Variants in PLPPR1 observed in about 807,000 individuals in gnomAD.
PLPPR1 encodes the protein phospholipid phosphatase-related protein type 1.
A neutral mutation model predicts 33.1 loss-of-function variants in PLPPR1; 10 were observed. The ratio of observed to expected loss-of-function variants is 0.30; its 90% CI spans 0.19 to 0.51. PLPPR1 has a LOEUF of 0.51. PLPPR1 is among the 20% of genes least tolerant of loss of function. The pLI is 0.97. For synonymous variants in PLPPR1, 151 were observed against 151.0 expected, an observed-to-expected ratio of 1.00 and a Z score of 0.00; for missense variants, 304 against 408.1, an observed-to-expected ratio of 0.74 and a Z score of 2.20.
At chr9:101,291,679 A>G (rs910447354) in intron 4 of PLPPR1, among the ~76,000 whole-genome samples, 2 of 152,216 alleles carry the variant, frequency 1.3e-5, no homozygotes, top group Non-Finnish European at 1.5e-5. Flanking sequence ...CCAGGCAAAC[A>G]GGGTCTGGAG....
At chr9:101,164,559 G>C (rs1236492027) in intron 1 of PLPPR1, among the ~76,000 whole-genome samples, 3 of 151,716 alleles carry the variant, frequency 2.0e-5, no homozygotes, top group African/African-American at 7.3e-5. Context: ...GTAGAGACAG[G>C]GTTTTGCCAT....
chr9:101,144,769 A>C (rs1326985075), intron 1 of PLPPR1, among the ~76,000 whole-genome samples: 1 of 152,200 alleles, frequency 6.6e-6, no homozygotes, highest in East Asian at 1.9e-4. Flanking sequence ...TCTAGAGACC[A>C]CACTTTGAAA....
chr9:101,093,813 A>G (rs1447788880), intron 1 of PLPPR1, among the ~76,000 whole-genome samples: 2 of 152,224 alleles, frequency 1.3e-5, no homozygotes, highest in African/African-American at 4.8e-5. Flanking sequence ...GGAATCTGTG[A>G]ATCATTGCCA....
At chr9:101,256,705 G>A (rs150174490) in intron 2 of PLPPR1, among the ~76,000 whole-genome samples, 77 of 152,154 alleles carry the variant, frequency 5.1e-4, no homozygotes, top group Middle Eastern at 3.4e-3. Flanking sequence ...CTGATGTGGG[G>A]GTCCCTATGC....
At chr9:101,281,828 C>T (rs1828309977) in intron 3 of PLPPR1, among the ~76,000 whole-genome samples, 1 of 151,942 alleles carries the variant, frequency 6.6e-6, no homozygotes, top group Non-Finnish European at 1.5e-5. Context: ...ATTGGATAGC[C>T]TAGAAGAAAC....
chr9:101,196,864 C>CA (rs71498762), intron 2 of PLPPR1, among the ~76,000 whole-genome samples: 4,728 of 125,716 alleles, frequency 0.038, 75 homozygotes, highest in African/African-American at 0.048. Flanking sequence ...GACTCTGTCT[C>CA]AAAAAAAAAA....
At chr9:101,077,160 G>A (rs1467784744) in intron 1 of PLPPR1, among the ~76,000 whole-genome samples, 3 of 152,108 alleles carry the variant, frequency 2.0e-5, no homozygotes, top group African/African-American at 7.2e-5. Flanking sequence ...CCAAATAAAT[G>A]CTGCCTCTGC....
chr9:101,313,484 C>T (rs7869625), intron 6 of PLPPR1, among the ~76,000 whole-genome samples: 45,644 of 152,050 alleles, frequency 0.3, 7,646 homozygotes, highest in African/African-American at 0.45. Flanking sequence ...TGATCACACC[C>T]GCCCTTTTTA....
chr9:101,244,525 A>G (rs771351324), intron 2 of PLPPR1, among the ~76,000 whole-genome samples: 13 of 151,562 alleles, frequency 8.6e-5, no homozygotes, highest in Non-Finnish European at 1.8e-4. Context: ...TCTGAGCAAC[A>G]AATTCTTTTA....
At chr9:101,154,676 A>G (rs1422897250) in intron 1 of PLPPR1, among the ~76,000 whole-genome samples, 2 of 152,120 alleles carry the variant, frequency 1.3e-5, no homozygotes, top group Non-Finnish European at 2.9e-5. Context: ...TGTTTATTGC[A>G]GCACTGTTCA....
At chr9:101,245,613 T>C (rs1411287912) in intron 2 of PLPPR1, among the ~76,000 whole-genome samples, 1 of 151,970 alleles carries the variant, frequency 6.6e-6, no homozygotes, top group Non-Finnish European at 1.5e-5. Flanking sequence ...GCATATCAAG[T>C]ATTAAACGCT....
intron 1 of PLPPR1, among the ~76,000 whole-genome samples, chr9:101,122,037 A>G (rs1023079780): frequency 2.6e-5 from 4 of 152,356 alleles, no homozygotes; most frequent in African/African-American, 7.2e-5. Context: ...AGCATGTCCA[A>G]ATAGTTAGCC....
chr9:101,261,780 A>G (rs1370894949), intron 2 of PLPPR1, among the ~76,000 whole-genome samples: 2 of 152,148 alleles, frequency 1.3e-5, no homozygotes, highest in African/African-American at 2.4e-5. Context: ...CTGACTTATA[A>G]GTGAGACCTA....
At chr9:101,050,005 G>A (rs1830199190) in intron 1 of PLPPR1, among the ~76,000 whole-genome samples, 1 of 151,084 alleles carries the variant, frequency 6.6e-6, no homozygotes, top group Non-Finnish European at 1.5e-5. Flanking sequence ...TGCGCCTGTA[G>A]TCCCAGCTAC....
intron 1 of PLPPR1, among the ~76,000 whole-genome samples, chr9:101,055,599 T>G (rs912839183): frequency 2.6e-5 from 4 of 152,246 alleles, no homozygotes; most frequent in African/African-American, 9.6e-5. Flanking sequence ...ATGTAATCAC[T>G]GGCCCTTAGT....
chr9:101,307,514 T>C (rs541832061), intron 4 of PLPPR1, among the ~76,000 whole-genome samples: 1 of 152,290 alleles, frequency 6.6e-6, no homozygotes, highest in South Asian at 2.1e-4. Flanking sequence ...CTGCCTCGGA[T>C]GATCAATGAA....
chr9:101,156,278 G>A (rs1029008271), intron 1 of PLPPR1, among the ~76,000 whole-genome samples: 3 of 151,944 alleles, frequency 2.0e-5, no homozygotes, highest in African/African-American at 7.3e-5. Flanking sequence ...GGCCAGGCAT[G>A]GTGGCTCACA....
chr9:101,146,108 C>T (rs1169884261), intron 1 of PLPPR1, among the ~76,000 whole-genome samples: 1 of 152,166 alleles, frequency 6.6e-6, no homozygotes, highest in African/African-American at 2.4e-5. Flanking sequence ...CCCTCTGTCT[C>T]CCATAGTGCT....
chr9:101,049,127 C>T (rs1370438419), intron 1 of PLPPR1, among the ~76,000 whole-genome samples: 1 of 152,180 alleles, frequency 6.6e-6, no homozygotes, highest in Non-Finnish European at 1.5e-5. Context: ...GGAAAACACA[C>T]TTTGAACACT....
Sources: allele counts gnomAD v4.1 joint callset (sites outside exome capture counted in the v4.1 genomes callset), GRCh38; gene constraint gnomAD v4.1.1; transcripts MANE v1.5; gene names NCBI Gene and HGNC (gene_info 2026-07-23, HGNC 2026-07-21).